Variants in SLC12A6 observed in about 807,000 individuals in gnomAD.
SLC12A6 encodes K-Cl cotransporter 3.
A neutral mutation model predicts 135.3 loss-of-function variants in SLC12A6; 66 were observed. The ratio of observed to expected loss-of-function variants is 0.49; its 90% CI spans 0.40 to 0.60. The LOEUF is 0.60. SLC12A6 is among the 20% of genes least tolerant of loss of function. The pLI is 0.00. For synonymous variants in SLC12A6, 513 were observed against 508.8 expected (o/e 1.01, Z -0.11); for missense variants, 1,058 against 1,452.3 (o/e 0.73, Z 4.41).
intron 2 of SLC12A6, among the ~76,000 whole-genome samples, chr15:34,276,457 T>A (rs1894302853): frequency 6.6e-6 from 1 of 152,180 alleles, no homozygotes; most frequent in South Asian, 2.1e-4. Flanking sequence ...ATATTGACAA[T>A]CATCATTTAA....
intron 2 of SLC12A6, among the ~76,000 whole-genome samples, chr15:34,324,481 T>C (rs978100221): frequency 6.6e-6 from 1 of 152,152 alleles, no homozygotes; most frequent in African/African-American, 2.4e-5. Flanking sequence ...CTGCTAAAAA[T>C]AGTTAGCATG....
rs773051531 is a variant in SLC12A6 at position 34,336,561 on chromosome 15, A to G, written c.120T>C (p.Ser40=). 1 of 1,613,972 alleles carries G rather than the reference A, an allele frequency of 6.2e-7. No individual in the cohort carries two copies. Among genetic ancestry groups the G allele is most frequent in the Non-Finnish European group, 8.5e-7 (1 of 1,179,940 alleles). ...CCCGGGAGCTAAATCTTACTCGGGA[A>G]CTAGATCGAGAGCTGAGGTCCGGAC... ...DTSPDLSSRS[S]SRVRFSSRES... is the part of the protein sequence containing the mutation. Residue 40 remains serine (S), a synonymous_variant, in exon 2 of 26, where the codon AGT becomes AGC. Coordinates refer to ENST00000354181, the MANE Select transcript of SLC12A6 (RefSeq NM_001365088.1).
At chr15:34,292,149 G>A (rs1895581259) in intron 2 of SLC12A6, among the ~76,000 whole-genome samples, 1 of 152,124 alleles carries the variant, frequency 6.6e-6, no homozygotes, top group Non-Finnish European at 1.5e-5. Context: ...TTTGATGTTG[G>A]TGACTTACAG....
chr15:34,266,769 A>G (rs982400100), intron 3 of SLC12A6, among the ~76,000 whole-genome samples: 2 of 152,236 alleles, frequency 1.3e-5, no homozygotes, highest in South Asian at 2.1e-4. Context: ...TTGTTTAGTT[A>G]TTATTATTAT....
chr15:34,304,907 T>C (rs1896497810), intron 2 of SLC12A6, among the ~76,000 whole-genome samples: 1 of 152,212 alleles, frequency 6.6e-6, no homozygotes, highest in Admixed American at 6.5e-5. Context: ...ACTTGTTATT[T>C]GGCTAAAACC....
At chr15:34,265,057 C>T (rs1397737674) in intron 3 of SLC12A6, among the ~76,000 whole-genome samples, 2 of 151,978 alleles carry the variant, frequency 1.3e-5, no homozygotes, top group African/African-American at 2.4e-5. Context: ...ATTAGCCGGG[C>T]GTGGTGGCAG....
In SLC12A6 at chr15:34,255,361, TG is replaced by T. The variant is rs776790336; in HGVS notation, c.776del (p.Ala259AspfsTer57). Reference protein sequence around the residue: ...AGGSYFMISRALGPEFGGAVG... With the variant: ...AGGSYFMISRXLGPEFGGAVG... ...CAGCCCCACCAAACTCTGGGCCCAG[TG>T]CCCGGGAAATCATAAAGTATGAGCC... On this transcript the variant is annotated frameshift_variant, in exon 8 of 26. Coordinates refer to ENST00000354181, the MANE Select transcript of SLC12A6 (RefSeq NM_001365088.1). LOFTEE classifies it high-confidence loss of function. 6.9e-6 allele frequency: 11 copies of T among 1,605,754 alleles called. No homozygotes were observed. In the Admixed American group the frequency reaches 1.8e-4, roughly 27 times the overall value.
At chr15:34,252,510 A>T (rs543510432) in intron 9 of SLC12A6, 126 bp from the exon 10 acceptor site, 1 of 665,128 alleles carries the variant, frequency 1.5e-6, no homozygotes, top group Admixed American at 2.7e-5. Context: ...TGGGTGGGAA[A>T]GGAACTAATG....
chr15:34,266,957 T>C (rs1351675489), intron 3 of SLC12A6, among the ~76,000 whole-genome samples: 1 of 152,144 alleles, frequency 6.6e-6, no homozygotes, highest in African/African-American at 2.4e-5. Flanking sequence ...TTTATTTGTT[T>C]TTTCTCTATG....
At chr15:34,248,212 G>C (rs1360838483) in intron 13 of SLC12A6, among the ~76,000 whole-genome samples, 1 of 152,042 alleles carries the variant, frequency 6.6e-6, no homozygotes, top group Non-Finnish European at 1.5e-5. Flanking sequence ...TGGACATTTG[G>C]ATTATTTCCA....
chr15:34,328,787 G>A (rs1460701290), intron 2 of SLC12A6, among the ~76,000 whole-genome samples: 1 of 152,128 alleles, frequency 6.6e-6, no homozygotes, highest in East Asian at 1.9e-4. Flanking sequence ...GGAGGCTGAG[G>A]TGGGAAGATG....
intron 2 of SLC12A6, among the ~76,000 whole-genome samples, chr15:34,294,586 G>C (rs1895756814): frequency 6.6e-6 from 1 of 150,682 alleles, no homozygotes; most frequent in African/African-American, 2.4e-5. Context: ...TTATTTTTAA[G>C]ATACAGGGTC....
At chr15:34,320,760 C>CA (rs1889026573) in intron 2 of SLC12A6, among the ~76,000 whole-genome samples, 1 of 151,564 alleles carries the variant, frequency 6.6e-6, no homozygotes, top group African/African-American at 2.4e-5. Context: ...ACTAAAAATA[C>CA]AAAAATCTTA....
chr15:34,236,012 T>TA lies in SLC12A6; in HGVS notation c.3227+2dup. 6.2e-7 allele frequency: 1 copy of TA among 1,612,294 alleles called. No individual in the cohort carries two copies. Among genetic ancestry groups the TA allele is most frequent in the Non-Finnish European group, 8.5e-7 (1 of 1,178,340 alleles). On this transcript the variant is annotated splice_region_variant and intron_variant, in intron 24 of 25. Transcript: ENST00000354181. ...TGATAAACTTGGGAGTGGGAAAACT[T>TA]ACGGACGCATGTTAAGCAGGTCCTG...
chr15:34,301,111 G>A (rs1487965317), intron 2 of SLC12A6, among the ~76,000 whole-genome samples: 1 of 152,046 alleles, frequency 6.6e-6, no homozygotes, highest in Non-Finnish European at 1.5e-5. Flanking sequence ...TGGGATTAGA[G>A]GCATGCACCA....
At chr15:34,240,224 T>G (rs889005278) in intron 19 of SLC12A6, among the ~76,000 whole-genome samples, 7 of 152,176 alleles carry the variant, frequency 4.6e-5, no homozygotes, top group Admixed American at 6.5e-5. Context: ...AGTAGAACTT[T>G]AATGTTCAAT....
intron 7 of SLC12A6, 141 bp downstream of exon 7, chr15:34,256,088 C>A: frequency 1.4e-6 from 1 of 703,438 alleles, no homozygotes. Flanking sequence ...ATTATGTCTA[C>A]GTCCTATAGA....
chr15:34,333,232 C>CTTTTT (rs572611561), intron 2 of SLC12A6, among the ~76,000 whole-genome samples: 1 of 133,484 alleles, frequency 7.5e-6, no homozygotes, highest in South Asian at 2.4e-4. Flanking sequence ...TTTTCTTTTT[C>CTTTTT]TTTTTTTTTT....
intron 3 of SLC12A6, among the ~76,000 whole-genome samples, chr15:34,266,302 T>C (rs78118002): frequency 0.017 from 2,645 of 152,238 alleles, 36 homozygotes; most frequent in Non-Finnish European, 0.026. Flanking sequence ...GATAAATTTA[T>C]GAGAAACATT....
Sources: allele counts gnomAD v4.1 joint callset (sites outside exome capture counted in the v4.1 genomes callset), GRCh38; gene constraint gnomAD v4.1.1; transcripts MANE v1.5; gene names NCBI Gene and HGNC (gene_info 2026-07-23, HGNC 2026-07-21).